Variants in CEP112 observed in about 807,000 individuals in gnomAD.
The protein encoded by CEP112 is centrosomal protein 112.
Under a neutral mutation model 153.0 loss-of-function variants are expected in CEP112, and 127 were observed. The ratio of observed to expected loss-of-function variants is 0.83; its 90% CI spans 0.72 to 0.96. The LOEUF is 0.96. CEP112 is among the 40% of genes least tolerant of loss of function. The probability of loss-of-function intolerance (pLI) is 0.00; values close to 1 mark genes in which losing one functional copy is unlikely to be tolerated. For synonymous variants in CEP112, 358 were observed against 374.4 expected, an observed-to-expected ratio of 0.96 and a Z score of 0.51; for missense variants, 1,089 against 1,101.2, an observed-to-expected ratio of 0.99 and a Z score of 0.16.
Position 66,132,748 on chromosome 17 carries a change from A to C in CEP112, c.486T>G (p.Thr162=). ...PTDVYSREQY[T]GKLRVRSHSL... is the part of the protein sequence containing the mutation. The stretch of plus-strand genomic sequence containing the variant: ...AGTGTGATCTCACTCGGAGCTTCCC[A>C]GTGTACTGTTCCCTGCTAAGAGACC... Residue 162 remains threonine, a synonymous_variant, in exon 5 of 27, where the codon ACT becomes ACG. Coordinates refer to ENST00000535342, the MANE Select transcript of CEP112 (RefSeq NM_001199165.4). The C allele has an allele frequency of 6.2e-7, 1 of 1,613,458 alleles. No individual in the cohort carries two copies. The highest frequency in any genetic ancestry group is 8.5e-7 in the Non-Finnish European group (1 of 1,179,368).
chr17:66,137,168 T>C (rs1243942621), intron 4 of CEP112, among the ~76,000 whole-genome samples: 1 of 151,960 alleles, frequency 6.6e-6, no homozygotes, highest in African/African-American at 2.4e-5. Context: ...AAAGAAAAAT[T>C]TGAGGGCTGA....
At chr17:65,971,585 T>A (rs944004182) in intron 17 of CEP112, among the ~76,000 whole-genome samples, 5 of 151,470 alleles carry the variant, frequency 3.3e-5, no homozygotes, top group African/African-American at 9.8e-5. Context: ...GGCATGTATA[T>A]TACATGCATG....
intron 2 of CEP112, chr17:66,182,548 A>G (rs2072762722): frequency 6.6e-6 from 1 of 152,234 alleles, no homozygotes; most frequent in Non-Finnish European, 1.5e-5. Context: ...CTACCAAGTC[A>G]TATTTACCTT....
At chr17:66,182,526 A>G (rs1251927344) in intron 2 of CEP112, 1 of 152,198 alleles carries the variant, frequency 6.6e-6, no homozygotes, top group East Asian at 1.9e-4. Flanking sequence ...CTCCAAACCT[A>G]CCACTCAAAA....
rs575050931 is a variant in CEP112, at chr17:66,149,895, T to TG, written c.471-17133_471-17132insC. Among the ~76,000 whole-genome samples, 516 of 106,076 alleles carry TG rather than the reference T, an allele frequency of 4.9e-3. 23 individuals are homozygous for TG. Among genetic ancestry groups the TG allele is most frequent in the African/African-American group, 0.018 (484 of 27,504 alleles). The allele number at this position is 106,076 out of a possible 152,430, so 69.6% of individuals were successfully genotyped here. On this transcript the variant is annotated intron_variant, in intron 4 of 26. Transcript: ENST00000535342. The stretch of plus-strand genomic sequence containing the variant: ...TTTTTTTTTTGTTTGTTTGTTTTTT[T>TG]TTTTTTTTTTTTTTGAGATGGAGTC...
chr17:66,014,005 C>T (rs2064656617), intron 16 of CEP112, among the ~76,000 whole-genome samples: 1 of 152,210 alleles, frequency 6.6e-6, no homozygotes, highest in African/African-American at 2.4e-5. Flanking sequence ...CCAGAAATGG[C>T]AGCACTGCAA....
chr17:65,736,153 G>A (rs1488963178), intron 23 of CEP112, among the ~76,000 whole-genome samples: 1 of 151,766 alleles, frequency 6.6e-6, no homozygotes, highest in Admixed American at 6.6e-5. Flanking sequence ...AGTGATTGGG[G>A]AATGGGGTAT....
At chr17:65,645,749 C>T (rs1206792539) in intron 24 of CEP112, among the ~76,000 whole-genome samples, 1 of 152,186 alleles carries the variant, frequency 6.6e-6, no homozygotes, top group African/African-American at 2.4e-5. Context: ...ATTTGATATA[C>T]AGAACAGTAT....
chr17:65,870,883 A>T (rs1276517791), intron 20 of CEP112, among the ~76,000 whole-genome samples: 1 of 152,256 alleles, frequency 6.6e-6, no homozygotes, highest in African/African-American at 2.4e-5. Flanking sequence ...AAAGAATGTC[A>T]TTCAAGTAAT....
At position 66,035,006 on chromosome 17, in the gene CEP112, ATAT is replaced by A. The variant is rs1416612574; in HGVS notation, c.1219-4986_1219-4984del. Among the ~76,000 whole-genome samples, 288 of 83,710 alleles carry A rather than the reference ATAT, an allele frequency of 3.4e-3. 4 individuals carry two copies. Among genetic ancestry groups the A allele is most frequent in the Admixed American group, 8.0e-3 (44 of 5,508 alleles). The allele number at this position is 83,710 out of a possible 152,430, so 54.9% of individuals were successfully genotyped here. A position where few individuals can be genotyped will look rare whatever the true frequency, so the allele number is the denominator to read the frequency against. ...TATATATATATACATATATATATAT[ATAT>A]TTTTTTTTTTAGTAGAGATGGAGTT... On this transcript the variant is annotated intron_variant, in intron 12 of 26. Transcript: ENST00000535342.
intron 17 of CEP112, among the ~76,000 whole-genome samples, chr17:65,969,563 T>A (rs1046034530): frequency 6.6e-6 from 1 of 150,994 alleles, no homozygotes; most frequent in Non-Finnish European, 1.5e-5. Flanking sequence ...TGTGTGCATG[T>A]ATATTACACA....
intron 21 of CEP112, among the ~76,000 whole-genome samples, chr17:65,779,088 T>C (rs1007222498): frequency 2.0e-5 from 3 of 152,174 alleles, no homozygotes; most frequent in Non-Finnish European, 4.4e-5. Flanking sequence ...AATTCAAATA[T>C]TTAAAGAAAG....
At chr17:65,820,286 T>A (rs540544614) in intron 21 of CEP112, among the ~76,000 whole-genome samples, 30 of 152,046 alleles carry the variant, frequency 2.0e-4, no homozygotes, top group Non-Finnish European at 4.3e-4. Flanking sequence ...CCATAAAAGA[T>A]CCCGCTTCCT....
At chr17:65,700,538 C>T (rs924775380) in intron 23 of CEP112, among the ~76,000 whole-genome samples, 3 of 152,054 alleles carry the variant, frequency 2.0e-5, no homozygotes, top group African/African-American at 7.2e-5. Context: ...CATAGACCTG[C>T]AATGCTTGTT....
intron 13 of CEP112, among the ~76,000 whole-genome samples, 184 bp downstream of exon 13, chr17:66,029,681 TGACA>T (rs1337577249): frequency 3.3e-5 from 5 of 151,920 alleles, no homozygotes; most frequent in African/African-American, 1.2e-4. Context: ...CCAGTCTGGG[TGACA>T]GACAGAGACC....
chr17:66,115,659 C>T (rs890447858), intron 6 of CEP112, among the ~76,000 whole-genome samples: 1 of 152,200 alleles, frequency 6.6e-6, no homozygotes, highest in Admixed American at 6.5e-5. Flanking sequence ...ACCATGATTG[C>T]TCCTTTATTT....
At chr17:65,715,520 G>A (rs1204103734) in intron 23 of CEP112, among the ~76,000 whole-genome samples, 7 of 151,148 alleles carry the variant, frequency 4.6e-5, no homozygotes, top group Non-Finnish European at 1.0e-4. Flanking sequence ...GTGTGATCTC[G>A]GCTCACTGCA....
chr17:65,956,409 T>TACACACACACAC (rs55652336), intron 18 of CEP112, among the ~76,000 whole-genome samples: 108 of 146,718 alleles, frequency 7.4e-4, no homozygotes, highest in African/African-American at 2.5e-3. Context: ...CATACATACA[T>TACACACACACAC]ACACACACAC....
chr17:66,149,880 G>GTTTTTTTTTTTTTT (rs1568549274), intron 4 of CEP112, among the ~76,000 whole-genome samples: 11 of 60,720 alleles, frequency 1.8e-4, no homozygotes, highest in Admixed American at 5.0e-4. Context: ...TTTTTTTTTT[G>GTTTTTTTTTTTTTT]TTTGTTTGTT....
Sources: gnomAD v4.1 joint callset for allele counts (sites outside exome capture counted in the v4.1 genomes callset) on GRCh38, gnomAD v4.1.1 for gene constraint, MANE v1.5 for transcripts, NCBI Gene and HGNC (gene_info 2026-07-23, HGNC 2026-07-21) for gene names.